The following SYN3 variants were observed in gnomAD, a reference collection of about 807,000 sequenced individuals.
SYN3 encodes synapsin III.
Under a neutral mutation model 65.8 loss-of-function variants are expected in SYN3, and 35 were observed. That is an observed-to-expected ratio of 0.53 (90% CI 0.41 to 0.70). The LOEUF (loss-of-function observed/expected upper bound fraction) is 0.70. Among genes scored for constraint, SYN3 ranks in the 30% least tolerant of loss-of-function variants. The pLI is 0.00. For missense variants in SYN3, 680 were observed against 749.0 expected, an observed-to-expected ratio of 0.91 and a Z score of 1.08; for synonymous variants, 270 against 292.9, an observed-to-expected ratio of 0.92 and a Z score of 0.80.
At chr22:32,745,477 T>C (rs1027067372) in intron 6 of SYN3, among the ~76,000 whole-genome samples, 49 of 152,176 alleles carry the variant, frequency 3.2e-4, no homozygotes, top group Admixed American at 3.1e-3. Context: ...TTTCCTTTCT[T>C]GTCCAGGGAA....
chr22:32,946,236 T>C (rs933835805), intron 3 of SYN3, among the ~76,000 whole-genome samples: 1 of 152,182 alleles, frequency 6.6e-6, no homozygotes, highest in African/African-American at 2.4e-5. Context: ...TAAAGACACA[T>C]GCACACGTAT....
chr22:32,930,457 C>T (rs950391270), intron 4 of SYN3, among the ~76,000 whole-genome samples: 4 of 152,126 alleles, frequency 2.6e-5, no homozygotes, highest in Non-Finnish European at 5.9e-5. Context: ...TACCCGGTCT[C>T]GAGTATATGT....
At chr22:32,702,371 G>A (rs1225896340) in intron 6 of SYN3, among the ~76,000 whole-genome samples, 2 of 152,116 alleles carry the variant, frequency 1.3e-5, no homozygotes, top group South Asian at 2.1e-4. Context: ...CCAGCTACTC[G>A]GGAGGCTGAG....
rs2052164277 is a variant in SYN3, at chr22:32,975,666, C to A, written c.369+4979G>T. On this transcript the variant is annotated intron_variant, in intron 3 of 13. Coordinates refer to ENST00000358763, the MANE Select transcript of SYN3 (RefSeq NM_003490.4). ...CTCGACTTTATATTGTATTCCTATTCAATTTGATCACATCAAATTTAATCT... is the reference window on the plus strand; with the variant it reads ...CTCGACTTTATATTGTATTCCTATTAAATTTGATCACATCAAATTTAATCT... 4.6e-5 allele frequency among the ~76,000 whole-genome samples: 7 copies of A among 152,332 alleles called. 1 individual carries two copies. In the South Asian group the frequency reaches 1.4e-3, roughly 32 times the overall value.
At chr22:32,668,358 A>AC (rs368464239) in intron 6 of SYN3, among the ~76,000 whole-genome samples, 8 of 128,782 alleles carry the variant, frequency 6.2e-5, no homozygotes, top group Non-Finnish European at 9.9e-5. Flanking sequence ...CCTCATTTCC[A>AC]CCCCCCCTTC....
chr22:32,786,393 T>A (rs1027572631), intron 6 of SYN3, among the ~76,000 whole-genome samples: 26 of 152,106 alleles, frequency 1.7e-4, no homozygotes, highest in African/African-American at 4.8e-4. Context: ...TCTTTTTTTT[T>A]TTTTGAGACA....
chr22:32,678,420 C>T (rs950641114), intron 6 of SYN3, among the ~76,000 whole-genome samples: 13 of 152,290 alleles, frequency 8.5e-5, no homozygotes, highest in African/African-American at 3.1e-4. Flanking sequence ...CACATCCAGG[C>T]AAGGTCCCTC....
chr22:32,853,850 G>A (rs2048290495), intron 6 of SYN3, among the ~76,000 whole-genome samples: 1 of 152,214 alleles, frequency 6.6e-6, no homozygotes, highest in Non-Finnish European at 1.5e-5. Context: ...TTTTACAGAT[G>A]AAGAAACTGA....
chr22:32,949,942 G>C (rs181439654), intron 3 of SYN3, among the ~76,000 whole-genome samples: 1 of 152,298 alleles, frequency 6.6e-6, no homozygotes, highest in African/African-American at 2.4e-5. Context: ...GACTGAGGGA[G>C]GATTGTGACA....
At chr22:32,585,343 G>A (rs1166020428) in intron 7 of SYN3, among the ~76,000 whole-genome samples, 1 of 152,150 alleles carries the variant, frequency 6.6e-6, no homozygotes, top group Non-Finnish European at 1.5e-5. Context: ...GTTTTCCCCA[G>A]CGCCAGTCTA....
At chr22:32,904,515 C>T (rs1253586577) in intron 4 of SYN3, among the ~76,000 whole-genome samples, 1 of 152,046 alleles carries the variant, frequency 6.6e-6, no homozygotes, top group African/African-American at 2.4e-5. Context: ...TGTGTTAGAC[C>T]ACCAAGTTTT....
At chr22:32,596,415 C>A (rs530278749) in intron 7 of SYN3, among the ~76,000 whole-genome samples, 4 of 152,148 alleles carry the variant, frequency 2.6e-5, no homozygotes, top group Non-Finnish European at 4.4e-5. Context: ...TCTCTTCAGT[C>A]GCAATCATAG....
intron 3 of SYN3, among the ~76,000 whole-genome samples, chr22:32,959,473 C>T (rs1266176081): frequency 2.0e-4 from 30 of 151,966 alleles, no homozygotes; most frequent in Admixed American, 2.0e-3. Flanking sequence ...ATCACTTGAA[C>T]CCAGGAGGCA....
intron 1 of SYN3, among the ~76,000 whole-genome samples, chr22:33,009,082 A>G (rs553502271): frequency 2.9e-5 from 4 of 137,016 alleles, no homozygotes; most frequent in East Asian, 2.2e-4. Context: ...GTGGGGCTAG[A>G]TAGATAGATG....
chr22:32,822,704 A>G (rs1361677089), intron 6 of SYN3, among the ~76,000 whole-genome samples: 1 of 152,228 alleles, frequency 6.6e-6, no homozygotes, highest in Non-Finnish European at 1.5e-5. Context: ...CTAAGGTGTC[A>G]TCAGTGCTGT....
At chr22:32,713,510 A>G (rs973832269) in intron 6 of SYN3, among the ~76,000 whole-genome samples, 1 of 152,210 alleles carries the variant, frequency 6.6e-6, no homozygotes, top group Non-Finnish European at 1.5e-5. Flanking sequence ...CTGTGCCTCC[A>G]TTCAGACTTG....
intron 4 of SYN3, among the ~76,000 whole-genome samples, chr22:32,878,607 C>T (rs549481252): frequency 3.3e-5 from 5 of 152,290 alleles, no homozygotes; most frequent in East Asian, 1.9e-4. Context: ...TGGGCCTCTT[C>T]GGTTTTCTCT....
Position 33,006,537 on chromosome 22 carries a change from C to T in SYN3, c.126G>A (p.Arg42=), listed in dbSNP as rs771394846. The stretch of plus-strand genomic sequence containing the variant: ...AGGCAGCCAGGGGCTGGGGGTGCCT[C>T]CTCTCCATGGCGGGGGAAGCAGGTG... ...TSSPASPAME[R]RHPQPLAASF... is the part of the protein sequence containing the mutation. The change falls in exon 2 of 14, where the codon AGG becomes AGA. Residue 42 remains arginine (R), a synonymous_variant. Coordinates refer to ENST00000358763, the MANE Select transcript of SYN3 (RefSeq NM_003490.4). The T allele has an allele frequency of 1.1e-5, 18 of 1,614,082 alleles. No individual in the cohort carries two copies. The South Asian group carries it at 2.0e-4, about 18-fold the overall frequency.
intron 3 of SYN3, among the ~76,000 whole-genome samples, chr22:32,934,219 G>A (rs2050713735): frequency 2.0e-5 from 3 of 152,174 alleles, no homozygotes; most frequent in Non-Finnish European, 4.4e-5. Flanking sequence ...TGCAAAACAG[G>A]ATACCTGGTC....
Sources: gnomAD v4.1 joint callset for allele counts (sites outside exome capture counted in the v4.1 genomes callset) on GRCh38, gnomAD v4.1.1 for gene constraint, MANE v1.5 for transcripts, NCBI Gene and HGNC (gene_info 2026-07-23, HGNC 2026-07-21) for gene names.